Variants in MED13L observed in about 807,000 individuals in gnomAD.
MED13L encodes the protein mediator complex subunit 13L.
In MED13L, 7 loss-of-function variants were observed where a neutral mutation model predicts 220.9. The observed-to-expected ratio is 0.03, with a 90% CI of 0.02 to 0.06. The LOEUF is 0.06. Ranked by LOEUF, MED13L falls within the 10% of genes least tolerant of loss-of-function variation. The probability of loss-of-function intolerance (pLI) is 1.00; values close to 1 mark genes in which losing one functional copy is unlikely to be tolerated. For missense variants in MED13L, 1,965 were observed against 2,760.5 expected (o/e 0.71, Z 6.46); for synonymous variants, 1,011 against 1,015.2 (o/e 1.00, Z 0.08).
At chr12:116,084,688 A>G (rs184006561) in intron 4 of MED13L, among the ~76,000 whole-genome samples, 1 of 151,898 alleles carries the variant, frequency 6.6e-6, no homozygotes, top group Non-Finnish European at 1.5e-5. Context: ...AGGAGGCTGA[A>G]GCAGGACAAT....
intron 2 of MED13L, among the ~76,000 whole-genome samples, chr12:116,170,371 T>C (rs1383685072): frequency 1.3e-5 from 2 of 152,078 alleles, no homozygotes; most frequent in African/African-American, 4.8e-5. Flanking sequence ...TTGGAGAAAA[T>C]ACCTACCAAA....
chr12:116,272,339 G>A (rs1467218998), intron 1 of MED13L, among the ~76,000 whole-genome samples: 1 of 152,084 alleles, frequency 6.6e-6, no homozygotes, highest in Admixed American at 6.5e-5. Context: ...GAGGCAGGCG[G>A]ATCACAAGGT....
chr12:115,984,205 A>G lies in MED13L; in HGVS notation c.4506T>C (p.Tyr1502=). The change falls in exon 20 of 31, where the codon TAT becomes TAC. Residue 1502 remains tyrosine (Y), a synonymous_variant. Coordinates refer to ENST00000281928, the MANE Select transcript of MED13L (RefSeq NM_015335.5). ...ENDNHSRLKL[Y]AQVCRHHLAP... ...CTAGGTGATGGCGGCAAACTTGCGC[A>G]TAAAGTTTGAGTCTGGAATGATTGT... 6.2e-7 allele frequency: 1 copy of G among 1,613,976 alleles called. No individual in the cohort carries two copies. The highest frequency in any genetic ancestry group is 8.5e-7 in the Non-Finnish European group (1 of 1,179,972).
chr12:116,045,227 C>A (rs1442745733), intron 4 of MED13L, among the ~76,000 whole-genome samples: 1 of 152,120 alleles, frequency 6.6e-6, no homozygotes, highest in Admixed American at 6.5e-5. Context: ...GCCTAAAATC[C>A]TTTTGAACAC....
Position 116,236,764 on chromosome 12 carries a change from C to T in MED13L, c.310+704G>A, listed in dbSNP as rs558217445. On this transcript the variant is annotated intron_variant, in intron 2 of 30. Coordinates refer to ENST00000281928, the MANE Select transcript of MED13L (RefSeq NM_015335.5). ...AATTCAAAGACAACTGATAAAAGTT[C>T]CTGCTCATAAAACTGTGGTAAATAT... is the stretch of plus-strand genomic sequence containing the variant. 4 of 833,032 alleles carry T rather than the reference C, an allele frequency of 4.8e-6. No individual in the cohort carries two copies. The East Asian group carries it at 3.7e-4, about 78-fold the overall frequency. The allele number at this position is 833,032 out of a possible 1,614,324, so 51.6% of individuals were successfully genotyped here.
At chr12:116,227,814 T>A (rs982240907) in intron 2 of MED13L, among the ~76,000 whole-genome samples, 2 of 152,188 alleles carry the variant, frequency 1.3e-5, no homozygotes, top group African/African-American at 4.8e-5. Context: ...TCTTACTTTA[T>A]ATCAAAAGTG....
intron 1 of MED13L, among the ~76,000 whole-genome samples, chr12:116,269,368 A>ATCTAGGAATAG (rs1873075923): frequency 1.3e-5 from 2 of 149,216 alleles, no homozygotes; most frequent in Non-Finnish European, 3.0e-5. Flanking sequence ...TCATCTAGGT[A>ATCTAGGAATAG]TTAAGCCCAG....
intron 4 of MED13L, among the ~76,000 whole-genome samples, chr12:116,066,722 C>G (rs1385094471): frequency 6.6e-6 from 1 of 151,410 alleles, no homozygotes; most frequent in Non-Finnish European, 1.5e-5. Context: ...ATACAGAGGA[C>G]CCCTAACTTG....
chr12:116,083,449 A>G (rs1871375872), intron 4 of MED13L, among the ~76,000 whole-genome samples: 1 of 151,454 alleles, frequency 6.6e-6, no homozygotes, highest in Non-Finnish European at 1.5e-5. Flanking sequence ...CAAAGTGGAC[A>G]TCATCCCTAC....
Position 115,984,282 on chromosome 12 carries a change from C to G in MED13L, c.4429G>C (p.Asp1477His). 6.2e-7 allele frequency: 1 copy of G among 1,614,110 alleles called. No homozygotes were observed. Residue 1477 changes from aspartate to histidine, a missense_variant, in exon 20 of 31, where the codon GAT becomes CAT. By Grantham distance (81) the Asp-to-His change is moderately conservative. Transcript: ENST00000281928. ...TTAAACCACTCACTCACAAGCTCAT[C>G]TGTCAGCTTCTGTGCCACAGTTTTT... is the stretch of plus-strand genomic sequence containing the variant. Reference protein sequence around the residue: ...VGKTVAQKLTDELVSEWFNQP... With the variant: ...VGKTVAQKLTHELVSEWFNQP...
At chr12:116,246,257 A>T (rs1238427521) in intron 1 of MED13L, among the ~76,000 whole-genome samples, 1 of 151,916 alleles carries the variant, frequency 6.6e-6, no homozygotes, top group Non-Finnish European at 1.5e-5. Flanking sequence ...GTGTGTACTT[A>T]CCAAAAGGAG....
intron 25 of MED13L, 23 bp from the exon 26 acceptor site, chr12:115,972,259 T>C (rs761755810): frequency 5.6e-6 from 9 of 1,610,544 alleles, no homozygotes; most frequent in Middle Eastern, 1.7e-4. Context: ...ATCGCAGTCA[T>C]ACACAGTCTT....
At chr12:116,249,887 A>G (rs1033913091) in intron 1 of MED13L, among the ~76,000 whole-genome samples, 1 of 151,598 alleles carries the variant, frequency 6.6e-6, no homozygotes, top group African/African-American at 2.4e-5. Flanking sequence ...TCTAACATAC[A>G]CGCCATTAAC....
Position 115,982,554 on chromosome 12 carries a change from C to T in MED13L, c.5005G>A (p.Asp1669Asn). ...ACAGCTGGAGGGTGGGCATGGCTGT[C>T]TGCAGAGTCAGGCTCCGTGGGAATT... ...IGIPTEPDSA[D>N]SHAHPPAVVI... Residue 1669 changes from aspartate (D) to asparagine (N), a missense_variant, in exon 22 of 31, where the codon GAC becomes AAC. Coordinates refer to ENST00000281928, the MANE Select transcript of MED13L (RefSeq NM_015335.5). 2 of 1,614,136 alleles carry T rather than the reference C, an allele frequency of 1.2e-6. No homozygotes were observed. Among genetic ancestry groups the T allele is most frequent in the East Asian group, 4.5e-5 (2 of 44,864 alleles).
chr12:116,042,723 C>T (rs1881606703), intron 4 of MED13L, among the ~76,000 whole-genome samples: 1 of 152,074 alleles, frequency 6.6e-6, no homozygotes, highest in African/African-American at 2.4e-5. Context: ...TGAATAAACA[C>T]ACATTTCTTC....
chr12:116,112,951 CAGG>C (rs1024324140), intron 2 of MED13L, among the ~76,000 whole-genome samples: 2 of 152,256 alleles, frequency 1.3e-5, no homozygotes, highest in Non-Finnish European at 2.9e-5. Context: ...TGCAAACCAC[CAGG>C]AGAAGAGGGG....
intron 4 of MED13L, among the ~76,000 whole-genome samples, chr12:116,086,783 T>C (rs545735622): frequency 3.2e-4 from 48 of 152,292 alleles, no homozygotes; most frequent in Middle Eastern, 3.4e-3. Context: ...TGTTATAATA[T>C]ACATTATGCA....
chr12:116,143,618 C>A (rs987322052), intron 2 of MED13L, among the ~76,000 whole-genome samples: 4 of 152,186 alleles, frequency 2.6e-5, no homozygotes, highest in Non-Finnish European at 4.4e-5. Flanking sequence ...CCGTTATTCT[C>A]TGGGACTCCC....
At chr12:116,061,447 T>C (rs1869473251) in intron 4 of MED13L, among the ~76,000 whole-genome samples, 1 of 152,176 alleles carries the variant, frequency 6.6e-6, no homozygotes, top group Non-Finnish European at 1.5e-5. Flanking sequence ...TAAGCTGCCT[T>C]AAGTCAATTA....
Sources: allele counts gnomAD v4.1 joint callset (sites outside exome capture counted in the v4.1 genomes callset), GRCh38; gene constraint gnomAD v4.1.1; transcripts MANE v1.5; gene names NCBI Gene and HGNC (gene_info 2026-07-23, HGNC 2026-07-21).